Variants in ZKSCAN2 observed in about 807,000 individuals in gnomAD.
ZKSCAN2 encodes the protein zinc finger with KRAB and SCAN domains 2.
In ZKSCAN2, 38 loss-of-function variants were observed where a neutral mutation model predicts 90.5. That is an observed-to-expected ratio of 0.42 (90% CI 0.32 to 0.55). ZKSCAN2 has a LOEUF of 0.55. Among genes scored for constraint, ZKSCAN2 ranks in the 20% least tolerant of loss-of-function variants. The probability of loss-of-function intolerance (pLI) is 0.11; values close to 1 mark genes in which losing one functional copy is unlikely to be tolerated. For synonymous variants in ZKSCAN2, 429 were observed against 421.6 expected, an observed-to-expected ratio of 1.02 and a Z score of -0.22; for missense variants, 1,167 against 1,202.6, an observed-to-expected ratio of 0.97 and a Z score of 0.44.
At chr16:25,250,884 G>A (rs1394750056) in intron 4 of ZKSCAN2, among the ~76,000 whole-genome samples, 1 of 152,118 alleles carries the variant, frequency 6.6e-6, no homozygotes, top group Admixed American at 6.5e-5. Context: ...AGCCTCCCAA[G>A]TAGCTGGGAT....
intron 2 of ZKSCAN2, among the ~76,000 whole-genome samples, chr16:25,253,251 T>A (rs1278794559): frequency 6.6e-6 from 1 of 152,120 alleles, no homozygotes; most frequent in Non-Finnish European, 1.5e-5. Context: ...AAATACAGGA[T>A]GAAGGGGACC....
At position 25,239,875 on chromosome 16, in the gene ZKSCAN2, G is replaced by A. The variant is rs761321272; in HGVS notation, c.2845C>T (p.Leu949=). The A allele has an allele frequency of 6.2e-7, 1 of 1,613,740 alleles. No individual in the cohort carries two copies. The highest frequency in any genetic ancestry group is 2.2e-5 in the East Asian group (1 of 44,886). Residue 949 remains leucine, a synonymous_variant, in exon 7 of 7, where the codon CTG becomes TTG. Transcript: ENST00000328086. ...REKPLPHPPS[L]YCPENPHKGK... is the part of the protein sequence containing the mutation. ...TTATGTGGGTTCTCAGGGCAATACA[G>A]AGATGGAGGGTGTGGCAGAGGCTTT...
At chr16:25,241,898 C>CT (rs1962859948) in intron 6 of ZKSCAN2, among the ~76,000 whole-genome samples, 1 of 152,148 alleles carries the variant, frequency 6.6e-6, no homozygotes, top group Non-Finnish European at 1.5e-5. Flanking sequence ...CTTATTAGTA[C>CT]TTTTTTGGTC....
chr16:25,248,089 A>G (rs1481779867), intron 4 of ZKSCAN2, among the ~76,000 whole-genome samples: 6 of 152,288 alleles, frequency 3.9e-5, no homozygotes, highest in Non-Finnish European at 7.3e-5. Context: ...ACGACTCACA[A>G]AAATGAACTC....
chr16:25,241,514 C>A (rs1421885988), intron 6 of ZKSCAN2, among the ~76,000 whole-genome samples: 1 of 152,222 alleles, frequency 6.6e-6, no homozygotes, highest in East Asian at 1.9e-4. Flanking sequence ...TGAACTCCCA[C>A]AAACCACTTA....
Position 25,246,907 on chromosome 16 carries a change from G to C in ZKSCAN2, c.1289C>G (p.Ala430Gly), listed in dbSNP as rs2141364369. The change falls in exon 5 of 7, where the codon GCC becomes GGC. Residue 430 changes from alanine (A) to glycine (G), a missense_variant. Transcript: ENST00000328086. The stretch of plus-strand genomic sequence containing the variant: ...TGGTTTATCAGTGGACGGAGCACGG[G>C]CTGCAGGGTTCAACAAAGCATCCAT... ...EDMDALLNPA[A>G]RAPSTDKPKE... 6.2e-7 allele frequency: 1 copy of C among 1,614,190 alleles called. No individual in the cohort carries two copies. Among genetic ancestry groups the C allele is most frequent in the Non-Finnish European group, 8.5e-7 (1 of 1,180,042 alleles).
chr16:25,257,608 C>G lies in ZKSCAN2; in HGVS notation c.-481G>C. 1 of 724,206 alleles carries G rather than the reference C, an allele frequency of 1.4e-6. No homozygotes were observed. The highest frequency in any genetic ancestry group is 1.9e-5 in the African/African-American group (1 of 52,264). The allele number at this position is 724,206 out of a possible 1,614,324, so 44.9% of individuals were successfully genotyped here. A position where few individuals can be genotyped will look rare whatever the true frequency, so the allele number is the denominator to read the frequency against. On this transcript the variant is annotated 5_prime_UTR_variant, in exon 1 of 7. Coordinates refer to ENST00000328086, the MANE Select transcript of ZKSCAN2 (RefSeq NM_001012981.5). ...CGGGCTCGGGTCACCGCAGCACGTCCAGGCCGCCGCGGGTGCCGCTGGGGC... is the reference window on the plus strand; with the variant it reads ...CGGGCTCGGGTCACCGCAGCACGTCGAGGCCGCCGCGGGTGCCGCTGGGGC...
intron 3 of ZKSCAN2, among the ~76,000 whole-genome samples, chr16:25,252,680 G>A (rs1003408418): frequency 3.3e-5 from 5 of 152,054 alleles, no homozygotes; most frequent in South Asian, 2.1e-4. Flanking sequence ...TTGGGAGGCC[G>A]GGTCGGGCGG....
In ZKSCAN2 at chr16:25,239,570, T is replaced by C; in HGVS notation, c.*246A>G. 1 of 416,720 alleles carries C rather than the reference T, an allele frequency of 2.4e-6. No homozygotes were observed. The highest frequency in any genetic ancestry group is 4.3e-6 in the Non-Finnish European group (1 of 233,482). The allele number at this position is 416,720 out of a possible 1,614,324, so 25.8% of individuals were successfully genotyped here. ...GCAGTGGCCTCAATGTACTGAAGGG[T>C]ATTTCATTCTGAACTCGGACAATGT... On this transcript the variant is annotated 3_prime_UTR_variant, in exon 7 of 7. Coordinates refer to ENST00000328086, the MANE Select transcript of ZKSCAN2 (RefSeq NM_001012981.5).
At chr16:25,250,372 T>G (rs138459718) in intron 4 of ZKSCAN2, among the ~76,000 whole-genome samples, 2 of 151,938 alleles carry the variant, frequency 1.3e-5, no homozygotes, top group East Asian at 3.9e-4. Flanking sequence ...CTAAGTGAAA[T>G]AAACCAGACA....
chr16:25,257,197 T>C lies in ZKSCAN2; in HGVS notation c.-70A>G. ...CCCAAAGAAGACTCCAAGCGCTCCC[T>C]GCTTAATGTTCCTGGGAGTGTGATA... On this transcript the variant is annotated 5_prime_UTR_variant, in exon 1 of 7. Coordinates refer to ENST00000328086, the MANE Select transcript of ZKSCAN2 (RefSeq NM_001012981.5). 6.6e-7 allele frequency: 1 copy of C among 1,518,070 alleles called. No individual in the cohort carries two copies. The highest frequency in any genetic ancestry group is 8.8e-7 in the Non-Finnish European group (1 of 1,138,666). The allele number at this position is 1,518,070 out of a possible 1,614,324, so 94.0% of individuals were successfully genotyped here. A position where few individuals can be genotyped will look rare whatever the true frequency, so the allele number is the denominator to read the frequency against.
rs755818686 is a variant in ZKSCAN2 at position 25,240,663 on chromosome 16, A to G, written c.2057T>C (p.Leu686Ser). 1 of 1,614,162 alleles carries G rather than the reference A, an allele frequency of 6.2e-7. No homozygotes were observed. Among genetic ancestry groups the G allele is most frequent in the Non-Finnish European group, 8.5e-7 (1 of 1,180,014 alleles). ...VYKDMEQHRA[L>S]IEKSKRVVSQ... ...AACAACTCTTTTAGACTTTTCTATTAATGCCCTATGCTGTTCCATGTCCTT... is the reference window on the plus strand; with the variant it reads ...AACAACTCTTTTAGACTTTTCTATTGATGCCCTATGCTGTTCCATGTCCTT... Residue 686 changes from leucine to serine, a missense_variant, in exon 7 of 7, where the codon TTA becomes TCA. Transcript: ENST00000328086.
chr16:25,236,088 C>G lies in ZKSCAN2; in HGVS notation c.*3728G>C, dbSNP rs1014972079. 2.0e-5 allele frequency: 3 copies of G among 152,196 alleles called. No individual in the cohort carries two copies. Among genetic ancestry groups the G allele is most frequent in the East Asian group, 1.9e-4 (1 of 5,200 alleles). 9.4% of individuals were successfully genotyped at this position (152,196 alleles called of 1,614,324 possible). ...GAAGACATCTAAGTGAACACTGATA[C>G]AAAACAATGAATGGACATCCATTTG... is the stretch of plus-strand genomic sequence containing the variant. On this transcript the variant is annotated 3_prime_UTR_variant, in exon 7 of 7. Transcript: ENST00000328086.
At chr16:25,254,243 C>T (rs186895675) in intron 2 of ZKSCAN2, among the ~76,000 whole-genome samples, 7 of 152,294 alleles carry the variant, frequency 4.6e-5, no homozygotes, top group African/African-American at 1.2e-4. Flanking sequence ...AGACTTCTGA[C>T]GGCAGGTTTA....
At chr16:25,241,633 G>A (rs7187050) in intron 6 of ZKSCAN2, among the ~76,000 whole-genome samples, 44,111 of 152,046 alleles carry the variant, frequency 0.29, 7,345 homozygotes, top group African/African-American at 0.45. Flanking sequence ...CAGACATCAC[G>A]TTATTTCATC....
Position 25,243,923 on chromosome 16 carries a change from C to A in ZKSCAN2, c.1843G>T (p.Glu615Ter). 6.2e-7 allele frequency: 1 copy of A among 1,614,136 alleles called. No individual in the cohort carries two copies. The highest frequency in any genetic ancestry group is 8.5e-7 in the Non-Finnish European group (1 of 1,180,026). ...ERGGIEVEPQ[E>*]PTGWEPEETS... ...TCTTCAGGTTCCCAGCCTGTAGGTT[C>A]CTGGGGTTCAACCTCAATACCCCCT... Residue 615 changes from glutamate (E) to a stop codon, truncating the protein, a stop_gained, in exon 6 of 7, where the codon GAA (glutamate) becomes TAA (stop). Coordinates refer to ENST00000328086, the MANE Select transcript of ZKSCAN2 (RefSeq NM_001012981.5). LOFTEE classifies it high-confidence loss of function.
At chr16:25,244,421 C>A in intron 5 of ZKSCAN2, 145 bp from the exon 6 acceptor site, 1 of 822,108 alleles carries the variant, frequency 1.2e-6, no homozygotes, top group South Asian at 1.9e-5. Context: ...ATAAGCTTTG[C>A]AAGAAATGAG....
rs760123090 is a variant in ZKSCAN2 at position 25,240,739 on chromosome 16, C to G, written c.1982-1G>C. 1 of 1,597,116 alleles carries G rather than the reference C, an allele frequency of 6.3e-7. No homozygotes were observed. The highest frequency in any genetic ancestry group is 8.5e-7 in the Non-Finnish European group (1 of 1,171,100). Reference sequence around the variant, plus strand: ...TTGATGCTACTTCCGATTTCAAAATCTGAAAAAATGAAAGACAATACAAAT... The same window carrying G: ...TTGATGCTACTTCCGATTTCAAAATGTGAAAAAATGAAAGACAATACAAAT... On this transcript the variant is annotated splice_acceptor_variant, in intron 6 of 6. Coordinates refer to ENST00000328086, the MANE Select transcript of ZKSCAN2 (RefSeq NM_001012981.5). LOFTEE classifies it high-confidence loss of function.
chr16:25,243,311 T>C (rs1482636174), intron 6 of ZKSCAN2, among the ~76,000 whole-genome samples: 2 of 152,156 alleles, frequency 1.3e-5, no homozygotes, highest in Non-Finnish European at 2.9e-5. Flanking sequence ...CTCCTTTGAA[T>C]AGAAGCACCA....
Sources: gnomAD v4.1 joint callset for allele counts (sites outside exome capture counted in the v4.1 genomes callset) on GRCh38, gnomAD v4.1.1 for gene constraint, MANE v1.5 for transcripts, NCBI Gene and HGNC (gene_info 2026-07-23, HGNC 2026-07-21) for gene names.